NECTIN3: variants seen among roughly 807,000 people sequenced by gnomAD.
The protein encoded by NECTIN3 is nectin cell adhesion molecule 3.
A neutral mutation model predicts 49.4 loss-of-function variants in NECTIN3; 8 were observed. That is an observed-to-expected ratio of 0.16 (90% CI 0.10 to 0.29). The LOEUF is 0.29. Among genes scored for constraint, NECTIN3 ranks in the 10% least tolerant of loss-of-function variants. NECTIN3 has a pLI of 1.00. For synonymous variants in NECTIN3, 277 were observed against 241.1 expected (o/e 1.15, Z -1.38); for missense variants, 581 against 654.6 (o/e 0.89, Z 1.23).
At chr3:111,078,481 A>G (rs2031381724) in intron 1 of NECTIN3, among the ~76,000 whole-genome samples, 1 of 152,214 alleles carries the variant, frequency 6.6e-6, no homozygotes, top group Admixed American at 6.5e-5. Flanking sequence ...AGGAAAAGCT[A>G]ATGATATACC....
chr3:111,107,644 C>T (rs1166140563), intron 1 of NECTIN3, among the ~76,000 whole-genome samples: 1 of 152,090 alleles, frequency 6.6e-6, no homozygotes, highest in Non-Finnish European at 1.5e-5. Context: ...GTTTACATTT[C>T]TTCAGGACCT....
At position 111,134,059 on chromosome 3, in the gene NECTIN3, A is replaced by G; in HGVS notation, c.1494A>G (p.Val498=). 1 of 1,613,684 alleles carries G rather than the reference A, an allele frequency of 6.2e-7. No individual in the cohort carries two copies. The highest frequency in any genetic ancestry group is 1.1e-5 in the South Asian group (1 of 91,036). ...CTGAAAAAACTCAGTGGAACAATGT[A>G]GAAAATCTCAATAGGTTTGAAAGAC... The part of the protein sequence containing the change: ...EEPEKTQWNN[V]ENLNRFERPM... The change falls in exon 6 of 6, where the codon GTA becomes GTG. Residue 498 remains valine, a synonymous_variant. Coordinates refer to ENST00000485303, the MANE Select transcript of NECTIN3 (RefSeq NM_015480.3).
rs1272601571 is a variant in NECTIN3, at chr3:111,118,650, A to C, written c.503-6A>C. ...GTAACTAATTATTAAAAAAATATTT[A>C]AACAGTTGAACCCACTGTGAGCCTG... On this transcript the variant is annotated splice_polypyrimidine_tract_variant and splice_region_variant and intron_variant, in intron 2 of 5. Coordinates refer to ENST00000485303, the MANE Select transcript of NECTIN3 (RefSeq NM_015480.3). The C allele has an allele frequency of 6.5e-7, 1 of 1,530,524 alleles. No homozygotes were observed. Among genetic ancestry groups the C allele is most frequent in the African/African-American group, 1.4e-5 (1 of 71,140 alleles). The allele number at this position is 1,530,524 out of a possible 1,614,324, so 94.8% of individuals were successfully genotyped here.
At chr3:111,144,183 T>G (rs2034818125) in intron 5 of NECTIN3, among the ~76,000 whole-genome samples, 1 of 152,050 alleles carries the variant, frequency 6.6e-6, no homozygotes, top group Non-Finnish European at 1.5e-5. Flanking sequence ...CCAAATATGT[T>G]TTTTAAATCC....
intron 7 of NECTIN3, among the ~76,000 whole-genome samples, chr3:111,171,337 G>A (rs2035428809): frequency 1.3e-5 from 2 of 152,148 alleles, no homozygotes; most frequent in South Asian, 2.1e-4. Flanking sequence ...GTGAACCCTT[G>A]GGGGAAATCC....
At chr3:111,192,343 T>G (rs1230514594), upstream of NECTIN3, 3 of 1,535,400 alleles carry the variant, frequency 2.0e-6, no homozygotes, top group Admixed American at 5.9e-5. Context: ...TTTTGTGTTT[T>G]CTTCCAGCCT....
chr3:111,074,123 AC>A (rs2031004818), intron 1 of NECTIN3: 1 of 439,064 alleles, frequency 2.3e-6, no homozygotes, highest in Admixed American at 2.5e-5. Flanking sequence ...GTGTTATAAC[AC>A]CCTAATTTGT....
intron 7 of NECTIN3, among the ~76,000 whole-genome samples, chr3:111,161,296 C>T (rs979497507): frequency 1.3e-5 from 2 of 152,156 alleles, no homozygotes; most frequent in Non-Finnish European, 2.9e-5. Flanking sequence ...TGCCACTTGG[C>T]CTTTGTCACC....
intron 1 of NECTIN3, among the ~76,000 whole-genome samples, chr3:111,078,375 T>C (rs530808612): frequency 2.0e-4 from 31 of 152,294 alleles, no homozygotes; most frequent in Non-Finnish European, 3.4e-4. Context: ...GCTTTCAGGC[T>C]TAAAACAGTC....
intron 1 of NECTIN3, among the ~76,000 whole-genome samples, chr3:111,075,521 A>G (rs1326733669): frequency 1.3e-5 from 2 of 152,144 alleles, no homozygotes; most frequent in Admixed American, 6.6e-5. Flanking sequence ...CATGAAATAT[A>G]GTAACACTCA....
intron 7 of NECTIN3, among the ~76,000 whole-genome samples, chr3:111,180,986 T>C (rs1205519387): frequency 6.6e-6 from 1 of 152,170 alleles, no homozygotes. Flanking sequence ...TACCATGCCA[T>C]ATTTTAAGTG....
At chr3:111,168,076 A>G (rs1040856370) in intron 7 of NECTIN3, among the ~76,000 whole-genome samples, 3 of 152,162 alleles carry the variant, frequency 2.0e-5, no homozygotes, top group Non-Finnish European at 4.4e-5. Context: ...GTGTCACATC[A>G]GTGCTTGAAA....
At chr3:111,152,109 A>T (rs2035011344) in intron 7 of NECTIN3, among the ~76,000 whole-genome samples, 1 of 151,774 alleles carries the variant, frequency 6.6e-6, no homozygotes, top group Non-Finnish European at 1.5e-5. Context: ...AATCTTTTTT[A>T]TGTCTACGTA....
At chr3:111,187,721 C>T (rs2035746750), upstream of NECTIN3, among the ~76,000 whole-genome samples, 1 of 152,128 alleles carries the variant, frequency 6.6e-6, no homozygotes, top group African/African-American at 2.4e-5. Flanking sequence ...ATGATTTCCA[C>T]TATATGATAC....
intron 7 of NECTIN3, among the ~76,000 whole-genome samples, chr3:111,165,797 A>G (rs1328563458): frequency 1.3e-5 from 2 of 152,190 alleles, no homozygotes; most frequent in African/African-American, 4.8e-5. Flanking sequence ...AATTATTAAG[A>G]TACTCTACTT....
intron 6 of NECTIN3, chr3:111,147,331 A>T (rs1210129719): frequency 5.2e-6 from 6 of 1,163,804 alleles, no homozygotes; most frequent in Non-Finnish European, 6.0e-6. Context: ...ACTTATGAGA[A>T]CCTTGATTTT....
chr3:111,085,042 G>GT (rs2031845933), intron 1 of NECTIN3, among the ~76,000 whole-genome samples: 2 of 152,292 alleles, frequency 1.3e-5, no homozygotes, highest in African/African-American at 4.8e-5. Flanking sequence ...TCTCTTTAGT[G>GT]TTTCTTGGCC....
At chr3:111,076,576 G>T (rs770796060) in intron 1 of NECTIN3, among the ~76,000 whole-genome samples, 4 of 151,968 alleles carry the variant, frequency 2.6e-5, no homozygotes, top group Admixed American at 2.0e-4. Flanking sequence ...GTCTAAAATG[G>T]TCTTTAAATT....
chr3:111,111,827 A>C (rs373773540), intron 1 of NECTIN3, among the ~76,000 whole-genome samples: 1 of 151,532 alleles, frequency 6.6e-6, no homozygotes, highest in African/African-American at 2.4e-5. Context: ...GAAAACACCT[A>C]GTTCATTTCT....
Sources: allele counts gnomAD v4.1 joint callset (sites outside exome capture counted in the v4.1 genomes callset), GRCh38; gene constraint gnomAD v4.1.1; transcripts MANE v1.5; gene names NCBI Gene and HGNC (gene_info 2026-07-23, HGNC 2026-07-21).